Variants in DNAH10 observed in about 807,000 individuals in gnomAD.
The protein encoded by DNAH10 is axonemal beta dynein heavy chain 10.
A neutral mutation model predicts 506.6 loss-of-function variants in DNAH10; 348 were observed. That is an observed-to-expected ratio of 0.69 (90% CI 0.63 to 0.75). The LOEUF (loss-of-function observed/expected upper bound fraction) is 0.75. Among genes scored for constraint, DNAH10 ranks in the 30% least tolerant of loss-of-function variants. The pLI is 0.00. For missense variants in DNAH10, 5,179 were observed against 5,787.1 expected, an observed-to-expected ratio of 0.89 and a Z score of 3.41; for synonymous variants, 2,059 against 2,198.6, an observed-to-expected ratio of 0.94 and a Z score of 1.78.
chr12:123,767,709 C>T lies in DNAH10; in HGVS notation c.298+20C>T. On this transcript the variant is annotated intron_variant, in intron 2 of 78. Transcript: ENST00000673944. ...TGCGAGGTGTGGAGTTGGGAGGGGTCATGGGAGGGTGGAACTGAGAAAGCC... is the reference window on the plus strand; with the variant it reads ...TGCGAGGTGTGGAGTTGGGAGGGGTTATGGGAGGGTGGAACTGAGAAAGCC... The T allele has an allele frequency of 1.2e-6, 2 of 1,601,196 alleles. No homozygotes were observed. The highest frequency in any genetic ancestry group is 1.7e-6 in the Non-Finnish European group (2 of 1,172,940).
intron 24 of DNAH10, among the ~76,000 whole-genome samples, chr12:123,822,713 T>C (rs188418802): frequency 4.6e-5 from 7 of 152,182 alleles, no homozygotes; most frequent in Admixed American, 1.3e-4. Context: ...TGGTCTGCAG[T>C]TGGCAAGCTA....
At chr12:123,871,375 G>A (rs185561747) in intron 44 of DNAH10, 82 bp from the exon 45 acceptor site, 3 of 1,495,106 alleles carry the variant, frequency 2.0e-6, no homozygotes, top group Admixed American at 2.1e-5. Context: ...GATTTGTGGG[G>A]TTCTAGGACA....
chr12:123,815,043 T>C (rs1273385564), intron 21 of DNAH10, among the ~76,000 whole-genome samples: 1 of 152,096 alleles, frequency 6.6e-6, no homozygotes, highest in South Asian at 2.1e-4. Flanking sequence ...TGAATCAGAA[T>C]GTCAAATTCC....
intron 1 of DNAH10, among the ~76,000 whole-genome samples, chr12:123,764,513 C>G (rs533427390): frequency 1.3e-5 from 2 of 152,274 alleles, no homozygotes; most frequent in Admixed American, 6.5e-5. Flanking sequence ...TTACAAGACC[C>G]TAAAACAATG....
At chr12:123,808,701 CT>C in intron 18 of DNAH10, 95 bp from the exon 19 acceptor site, 1 of 1,344,162 alleles carries the variant, frequency 7.4e-7, no homozygotes, top group Non-Finnish European at 1.0e-6. Context: ...TTGCCTGTAC[CT>C]GTGATTTTTG....
At chr12:123,910,081 T>C (rs138206266) in intron 58 of DNAH10, among the ~76,000 whole-genome samples, 1 of 152,348 alleles carries the variant, frequency 6.6e-6, no homozygotes, top group East Asian at 1.9e-4. Context: ...TCTTAGCCCC[T>C]TAAAAACAAA....
rs1958023533 is a variant in DNAH10, at chr12:123,790,123, C to T, written c.1815+2C>T. The T allele has an allele frequency of 1.9e-6, 3 of 1,613,656 alleles. No homozygotes were observed. Among genetic ancestry groups the T allele is most frequent in the East Asian group, 4.5e-5 (2 of 44,868 alleles). ...GATGAATTCAAGATTGAAGTTCTGG[C>T]AAGTGACACGTCCATTGAGTCCATC... On this transcript the variant is annotated splice_donor_variant, in intron 11 of 78. Transcript: ENST00000673944. LOFTEE classifies it low-confidence loss of function (GC_TO_GT_DONOR).
chr12:123,816,461 T>C (rs1269766674), intron 21 of DNAH10, among the ~76,000 whole-genome samples: 1 of 152,204 alleles, frequency 6.6e-6, no homozygotes, highest in African/African-American at 2.4e-5. Context: ...TTCCAGGTTG[T>C]TAACCACACC....
intron 19 of DNAH10, 115 bp downstream of exon 19, chr12:123,809,068 C>A: frequency 7.9e-7 from 1 of 1,273,312 alleles, no homozygotes; most frequent in Non-Finnish European, 1.1e-6. Context: ...TCTTGACCTT[C>A]TGCCTTGTGA....
chr12:123,781,315 C>T lies in DNAH10; in HGVS notation c.841+16C>T. 3 of 1,600,298 alleles carry T rather than the reference C, an allele frequency of 1.9e-6. No homozygotes were observed. The highest frequency in any genetic ancestry group is 2.6e-6 in the Non-Finnish European group (3 of 1,170,700). On this transcript the variant is annotated intron_variant, in intron 6 of 78. Coordinates refer to ENST00000673944, the MANE Select transcript of DNAH10 (RefSeq NM_001372106.1). ...CAACTTGAAGGTAAGGTTTCATTTT[C>T]CTCCTTTTTAGTTAAGAATGATTAA...
At position 123,925,308 on chromosome 12, in the gene DNAH10, C is replaced by G; in HGVS notation, c.11921+104C>G. 1 of 1,458,332 alleles carries G rather than the reference C, an allele frequency of 6.9e-7. No homozygotes were observed. The highest frequency in any genetic ancestry group is 9.4e-7 in the Non-Finnish European group (1 of 1,058,878). 90.3% of individuals were successfully genotyped at this position (1,458,332 alleles called of 1,614,324 possible). On this transcript the variant is annotated intron_variant, in intron 68 of 78. Coordinates refer to ENST00000673944, the MANE Select transcript of DNAH10 (RefSeq NM_001372106.1). The surrounding 1 kb of genome is among the most constrained non-coding windows in gnomAD (Gnocchi z 4.0). ...AGCAGAGGCTGACCAGCTCCCGAGA[C>G]AGCTGTCGCCACCCTGCTGTACAAT...
Position 123,850,927 on chromosome 12 carries a change from A to G in DNAH10, c.6142A>G (p.Ile2048Val). Reference protein sequence around the residue: ...QEISLDSRMGIFITMNPGYAG... With the variant: ...QEISLDSRMGVFITMNPGYAG... ...GATTTCCCTGGACTCCCGCATGGGC[A>G]TCTTCATCACCATGAACCCCGGCTA... The change falls in exon 35 of 79, where the codon ATC becomes GTC. Residue 2048 changes from isoleucine to valine, a missense_variant. This residue lies in a region of DNAH10 where 4,844 missense variants were observed against 5,430.5 expected (regional missense o/e 0.89). Coordinates refer to ENST00000673944, the MANE Select transcript of DNAH10 (RefSeq NM_001372106.1). This position sits in a 1 kb window ranked among gnomAD's most constrained non-coding sequence, Gnocchi z 5.5. 2 of 1,613,710 alleles carry G rather than the reference A, an allele frequency of 1.2e-6. No individual in the cohort carries two copies. The highest frequency in any genetic ancestry group is 1.7e-6 in the Non-Finnish European group (2 of 1,179,792).
intron 27 of DNAH10, among the ~76,000 whole-genome samples, chr12:123,834,219 T>G (rs1960890364): frequency 6.6e-6 from 1 of 151,970 alleles, no homozygotes; most frequent in Admixed American, 6.5e-5. Context: ...AAAAAACAAT[T>G]TTTTTTTAGA....
In DNAH10 at chr12:123,896,640, G is replaced by A. The variant is rs564858822; in HGVS notation, c.9281-1130G>A. Among the ~76,000 whole-genome samples, 7 of 151,688 alleles carry A rather than the reference G, an allele frequency of 4.6e-5. No individual in the cohort carries two copies. In the East Asian group the frequency reaches 1.2e-3, roughly 25 times the overall value. ...TGAAAACCCAAGGCCCTTCTGCCAC[G>A]GTGTCTTGGCCTTTAGGGAAGACAG... On this transcript the variant is annotated intron_variant, in intron 54 of 78. Transcript: ENST00000673944.
At chr12:123,806,480 G>A (rs929041408) in intron 18 of DNAH10, among the ~76,000 whole-genome samples, 6 of 152,086 alleles carry the variant, frequency 3.9e-5, no homozygotes, top group South Asian at 2.1e-4. Flanking sequence ...TGTCTTCTTC[G>A]TTCCTTACTT....
chr12:123,803,787 T>G lies in DNAH10; in HGVS notation c.2741T>G (p.Phe914Cys), dbSNP rs765796466. The G allele has an allele frequency of 6.2e-6, 10 of 1,611,478 alleles. No homozygotes were observed. In the South Asian group the frequency reaches 1.1e-4, roughly 18 times the overall value. The stretch of plus-strand genomic sequence containing the variant: ...ACATTAATAGAGGCCATAAATCTCT[T>G]TAAATATCCAGCCGCTAAAAGTGAG... ...RLTLIEAINLFKYPAAKSEEE... is the reference protein window; with the variant it reads ...RLTLIEAINLCKYPAAKSEEE... Residue 914 changes from phenylalanine (F) to cysteine (C), a missense_variant, in exon 17 of 79, where the codon TTT becomes TGT. Physicochemically the swap from Phe to Cys is radical, Grantham distance 205. Coordinates refer to ENST00000673944, the MANE Select transcript of DNAH10 (RefSeq NM_001372106.1).
At chr12:123,774,796 G>C (rs143456131) in intron 5 of DNAH10, among the ~76,000 whole-genome samples, 1 of 152,198 alleles carries the variant, frequency 6.6e-6, no homozygotes, top group Non-Finnish European at 1.5e-5. Flanking sequence ...CAGCTTGGGC[G>C]TTGGGGCCAT....
At position 123,847,989 on chromosome 12, in the gene DNAH10, C is replaced by T. The variant is rs1256501597; in HGVS notation, c.5843C>T (p.Pro1948Leu). 2.5e-6 allele frequency: 4 copies of T among 1,613,602 alleles called. No homozygotes were observed. Among genetic ancestry groups the T allele is most frequent in the Non-Finnish European group, 2.5e-6 (3 of 1,179,704 alleles). Reference protein sequence around the residue: ...QALSMYLGGAPAGPAGTGKTE... With the variant: ...QALSMYLGGALAGPAGTGKTE... ...CTGTCCATGTATCTAGGTGGGGCCC[C>T]CGCCGGCCCAGCAGGAACCGGCAAA... Residue 1948 changes from proline to leucine, a missense_variant, in exon 33 of 79, where the codon CCC becomes CTC. This residue lies in a region of DNAH10 where 4,844 missense variants were observed against 5,430.5 expected (regional missense o/e 0.89). Coordinates refer to ENST00000673944, the MANE Select transcript of DNAH10 (RefSeq NM_001372106.1).
rs544530724 is a variant in DNAH10, at chr12:123,907,913, G to A, written c.9816-1348G>A. ...CTGGGCTTTGTGCTGAAGTGTGGGC[G>A]CCCTCCCTCCTGGCTGTTGCCCTGG... On this transcript the variant is annotated intron_variant, in intron 57 of 78. Transcript: ENST00000673944. The surrounding 1 kb of genome is among the most constrained non-coding windows in gnomAD (Gnocchi z 4.4). Among the ~76,000 whole-genome samples the A allele has an allele frequency of 2.6e-5, 4 of 152,240 alleles. No homozygotes were observed. The highest frequency in any genetic ancestry group is 1.9e-4 in the East Asian group (1 of 5,176).
Sources: allele counts gnomAD v4.1 joint callset (sites outside exome capture counted in the v4.1 genomes callset), GRCh38; gene constraint gnomAD v4.1.1; regional missense constraint gnomAD v4.1.1; non-coding constraint Gnocchi (gnomAD v3.1); transcripts MANE v1.5; gene names NCBI Gene and HGNC (gene_info 2026-07-23, HGNC 2026-07-21).